KDM4C: variants seen among roughly 807,000 people sequenced by gnomAD.
KDM4C encodes lysine-specific demethylase 4C.
KDM4C carries 81 observed loss-of-function variants against 129.3 expected under a neutral mutation model. The ratio of observed to expected loss-of-function variants is 0.63; its 90% confidence interval spans 0.52 to 0.75. The LOEUF (loss-of-function observed/expected upper bound fraction) is 0.75. Ranked by LOEUF, KDM4C falls within the 30% of genes least tolerant of loss-of-function variation. The probability of loss-of-function intolerance (pLI) is 0.00; values close to 1 mark genes in which losing one functional copy is unlikely to be tolerated. For synonymous variants in KDM4C, 573 were observed against 456.1 expected, an observed-to-expected ratio of 1.26 and a Z score of -3.26; for missense variants, 1,457 against 1,304.0, an observed-to-expected ratio of 1.12 and a Z score of -1.81.
chr9:6,803,177 C>G (rs1829326911), intron 2 of KDM4C, among the ~76,000 whole-genome samples: 1 of 152,112 alleles, frequency 6.6e-6, no homozygotes. Flanking sequence ...TACACCTGGG[C>G]AGTAGGTCAT....
In KDM4C at chr9:7,015,883, G is replaced by C; in HGVS notation, c.2213G>C (p.Cys738Ser). 6.2e-7 allele frequency: 1 copy of C among 1,612,938 alleles called. No homozygotes were observed. ...SCYGIPSHEI[C>S]DGWLCARCKR... ...TATGGTATTCCTTCTCATGAGATCT[G>C]TGATGGATGGCTGTGTGCCCGGTGC... The change falls in exon 15 of 22, where the codon TGT (cysteine) becomes TCT (serine). Residue 738 changes from cysteine to serine, a missense_variant. By Grantham distance (112) the Cys-to-Ser change is moderately radical. Coordinates refer to ENST00000381309, the MANE Select transcript of KDM4C (RefSeq NM_015061.6).
intron 17 of KDM4C, among the ~76,000 whole-genome samples, chr9:7,055,425 T>C (rs780215045): frequency 1.3e-5 from 2 of 152,198 alleles, no homozygotes; most frequent in Non-Finnish European, 2.9e-5. Context: ...GCACAAGTGT[T>C]CTCTGAGTGA....
chr9:6,965,940 T>G (rs1259531402), intron 8 of KDM4C, among the ~76,000 whole-genome samples: 1 of 152,224 alleles, frequency 6.6e-6, no homozygotes, highest in Admixed American at 6.5e-5. Context: ...CACAATAAGT[T>G]TGGTTTAACA....
intron 17 of KDM4C, among the ~76,000 whole-genome samples, chr9:7,069,740 A>C (rs548919681): frequency 9.2e-5 from 14 of 152,334 alleles, no homozygotes; most frequent in Admixed American, 3.3e-4. Flanking sequence ...TTTCACAAGG[A>C]AATGTGACTC....
At chr9:6,993,263 G>C (rs988471037) in intron 12 of KDM4C, among the ~76,000 whole-genome samples, 1 of 151,976 alleles carries the variant, frequency 6.6e-6, no homozygotes, top group Non-Finnish European at 1.5e-5. Context: ...TTCTTTTTTG[G>C]TGAAAAATAA....
At chr9:7,068,974 G>A (rs1832830925) in intron 17 of KDM4C, among the ~76,000 whole-genome samples, 1 of 152,002 alleles carries the variant, frequency 6.6e-6, no homozygotes, top group Admixed American at 6.5e-5. Context: ...TGGGATTACA[G>A]GCGTGAGCCA....
chr9:7,163,335 A>C (rs1248526196), intron 19 of KDM4C, among the ~76,000 whole-genome samples: 1 of 152,124 alleles, frequency 6.6e-6, no homozygotes, highest in African/African-American at 2.4e-5. Context: ...AATGTATCCC[A>C]CAGGGTCCCT....
Position 7,049,211 on chromosome 9 carries a change from A to C in KDM4C, c.2424+11A>C, listed in dbSNP as rs1829823424. ...CAGAGGTTAAAATTGGTGAGTGGCA[A>C]AGCTTCTTTTTTACCTCATAAATTA... On this transcript the variant is annotated intron_variant, in intron 17 of 21. Coordinates refer to ENST00000381309, the MANE Select transcript of KDM4C (RefSeq NM_015061.6). 2 of 1,457,138 alleles carry C rather than the reference A, an allele frequency of 1.4e-6. No individual in the cohort carries two copies. Among genetic ancestry groups the C allele is most frequent in the East Asian group, 4.6e-5 (2 of 43,562 alleles). 90.3% of individuals were successfully genotyped at this position (1,457,138 alleles called of 1,614,324 possible).
At chr9:6,816,086 A>G (rs954671180) in intron 4 of KDM4C, among the ~76,000 whole-genome samples, 5 of 152,182 alleles carry the variant, frequency 3.3e-5, no homozygotes, top group African/African-American at 1.2e-4. Flanking sequence ...GATTCAGTCA[A>G]GGATTCCCCT....
chr9:6,811,364 A>G, intron 3 of KDM4C, among the ~76,000 whole-genome samples: 1 of 152,156 alleles, frequency 6.6e-6, no homozygotes, highest in Non-Finnish European at 1.5e-5. Context: ...CATGTTGGCC[A>G]GGCTGGTCTC....
chr9:6,781,463 C>T (rs1824324699), intron 1 of KDM4C, among the ~76,000 whole-genome samples: 1 of 152,042 alleles, frequency 6.6e-6, no homozygotes, highest in Non-Finnish European at 1.5e-5. Context: ...AGCACTGTAA[C>T]TCATGACTGA....
At chr9:7,126,904 G>A (rs982030629) in intron 18 of KDM4C, among the ~76,000 whole-genome samples, 1 of 152,078 alleles carries the variant, frequency 6.6e-6, no homozygotes, top group Non-Finnish European at 1.5e-5. Flanking sequence ...GAACCAGTAC[G>A]AAGGGGCTCT....
intron 8 of KDM4C, among the ~76,000 whole-genome samples, chr9:6,905,578 C>G (rs752340817): frequency 5.3e-5 from 8 of 152,154 alleles, no homozygotes; most frequent in Non-Finnish European, 1.2e-4. Flanking sequence ...ATCCTAAGCC[C>G]TAAAATGATT....
rs531848485 is a variant in KDM4C, at chr9:7,140,852, A to C, written c.2781+12616A>C. ...GAATTGAGAGAAGTCCTGGGATGACAGGAATATGATCCAGTAAGAGCATGT... is the reference window on the plus strand; with the variant it reads ...GAATTGAGAGAAGTCCTGGGATGACCGGAATATGATCCAGTAAGAGCATGT... On this transcript the variant is annotated intron_variant, in intron 19 of 21. Transcript: ENST00000381309. Among the ~76,000 whole-genome samples, 6 of 152,368 alleles carry C rather than the reference A, an allele frequency of 3.9e-5. No individual in the cohort carries two copies. The South Asian group carries it at 1.2e-3, about 32-fold the overall frequency.
Position 6,801,409 on chromosome 9 carries a change from AT to A in KDM4C, c.145-4181del, listed in dbSNP as rs201586450. On this transcript the variant is annotated intron_variant, in intron 2 of 21. Transcript: ENST00000381309. Reference sequence around the variant, plus strand: ...CCACCATGCCCGGCTAATTTTCTGTATTTTTTTTTAGTGGAGACGGGGTTTC... The same window carrying A: ...CCACCATGCCCGGCTAATTTTCTGTATTTTTTTTAGTGGAGACGGGGTTTC... 2.1e-3 allele frequency among the ~76,000 whole-genome samples: 310 copies of A among 149,270 alleles called. 6 individuals carry two copies. In the East Asian group the frequency reaches 0.041, roughly 20 times the overall value.
At chr9:6,789,620 C>T (rs904677614) in intron 1 of KDM4C, among the ~76,000 whole-genome samples, 2 of 152,062 alleles carry the variant, frequency 1.3e-5, no homozygotes, top group African/African-American at 4.8e-5. Context: ...CCTGCCTCGA[C>T]CTCTCAAAGT....
At chr9:6,923,954 A>G (rs899872570) in intron 8 of KDM4C, among the ~76,000 whole-genome samples, 1 of 152,176 alleles carries the variant, frequency 6.6e-6, no homozygotes, top group Admixed American at 6.5e-5. Flanking sequence ...CAGGTGGGGC[A>G]TGGGATTCTT....
In KDM4C at chr9:7,030,519, G is replaced by T. The variant is rs997842233; in HGVS notation, c.2259+14590G>T. Among the ~76,000 whole-genome samples, 6 of 152,156 alleles carry T rather than the reference G, an allele frequency of 3.9e-5. No individual in the cohort carries two copies. The South Asian group carries it at 1.0e-3, about 26-fold the overall frequency. On this transcript the variant is annotated intron_variant, in intron 15 of 21. Coordinates refer to ENST00000381309, the MANE Select transcript of KDM4C (RefSeq NM_015061.6). The stretch of plus-strand genomic sequence containing the variant: ...CAGTTGTAACAAATGTGCTGCTCTG[G>T]TGGGGGATGTTGATAATGATGGAAG...
chr9:6,807,940 TG>T (rs560792621), intron 3 of KDM4C, among the ~76,000 whole-genome samples: 4 of 56,296 alleles, frequency 7.1e-5, no homozygotes, highest in Non-Finnish European at 1.5e-4. Flanking sequence ...GGGAGGGAGG[TG>T]GGGGGGTCAG....
Sources: allele counts gnomAD v4.1 joint callset (sites outside exome capture counted in the v4.1 genomes callset), GRCh38; gene constraint gnomAD v4.1.1; transcripts MANE v1.5; gene names NCBI Gene and HGNC (gene_info 2026-07-23, HGNC 2026-07-21).